Variants in SHISA9 observed in about 807,000 individuals in gnomAD.
SHISA9 encodes shisa family member 9.
A neutral mutation model predicts 38.0 loss-of-function variants in SHISA9; 13 were observed. The ratio of observed to expected loss-of-function variants is 0.34; its 90% CI spans 0.22 to 0.54. SHISA9 has a LOEUF of 0.54. SHISA9 is among the 20% of genes least tolerant of loss of function. The pLI, the probability that SHISA9 is intolerant of heterozygous loss-of-function variation, is 0.91. For missense variants in SHISA9, 538 were observed against 575.8 expected (o/e 0.93, Z 0.67); for synonymous variants, 275 against 242.0 (o/e 1.14, Z -1.27).
intron 2 of SHISA9, among the ~76,000 whole-genome samples, chr16:13,028,142 G>T (rs992661421): frequency 6.6e-6 from 1 of 152,026 alleles, no homozygotes; most frequent in Non-Finnish European, 1.5e-5. Context: ...TGGTGGTCTT[G>T]ACTGTATGTA....
chr16:13,336,220 T>G, the SHISA9 span, among the ~76,000 whole-genome samples: 2 of 152,118 alleles, frequency 1.3e-5, no homozygotes, highest in African/African-American at 4.8e-5. Context: ...AATTCAAAAG[T>G]GAAGAAATAA....
At chr16:13,019,943 CTTTCTTT>C (rs2072825935) in intron 2 of SHISA9, among the ~76,000 whole-genome samples, 1 of 93,560 alleles carries the variant, frequency 1.1e-5, no homozygotes, top group Non-Finnish European at 2.3e-5. Flanking sequence ...TTCTTTCTTT[CTTTCTTT>C]CTTTCTTTCC....
rs138322187 is a variant in SHISA9, at chr16:13,087,610, T to G, written c.692-115784T>G. On this transcript the variant is annotated intron_variant, in intron 2 of 4. Transcript: ENST00000558583. ...AGCATTTTTTCATGTGTCTGTTGGC[T>G]GCATAGACGTCTTCTTTTGGGAAGT... Among the ~76,000 whole-genome samples, 919 of 152,372 alleles carry G rather than the reference T, an allele frequency of 6.0e-3. 9 individuals are homozygous for G. The highest frequency in any genetic ancestry group is 0.021 in the African/African-American group (868 of 41,590).
At chr16:13,300,553 G>A in the SHISA9 span, among the ~76,000 whole-genome samples, 1 of 152,034 alleles carries the variant, frequency 6.6e-6, no homozygotes. Flanking sequence ...GACAGAACTG[G>A]GCGATTATTG....
the SHISA9 span, among the ~76,000 whole-genome samples, chr16:13,393,720 T>A: frequency 3.3e-5 from 5 of 152,290 alleles, no homozygotes; most frequent in African/African-American, 1.2e-4. Context: ...GGGACTCTGA[T>A]GACCATGAGT....
At chr16:13,357,717 G>A in the SHISA9 span, among the ~76,000 whole-genome samples, 3 of 152,092 alleles carry the variant, frequency 2.0e-5, no homozygotes, top group African/African-American at 7.2e-5. Flanking sequence ...ATAGGATTTG[G>A]ATAGGTAAAG....
chr16:13,219,247 T>C (rs1006780748), intron 4 of SHISA9, among the ~76,000 whole-genome samples: 2 of 152,236 alleles, frequency 1.3e-5, no homozygotes, highest in African/African-American at 2.4e-5. Context: ...AGCCAGATCC[T>C]GTTCATTCCA....
At chr16:13,337,166 T>G in the SHISA9 span, among the ~76,000 whole-genome samples, 2 of 152,150 alleles carry the variant, frequency 1.3e-5, no homozygotes, top group African/African-American at 4.8e-5. Flanking sequence ...GTTACTGATA[T>G]GGTTTCGCTG....
the SHISA9 span, among the ~76,000 whole-genome samples, chr16:13,309,851 C>T: frequency 1.3e-5 from 2 of 151,668 alleles, no homozygotes; most frequent in African/African-American, 2.4e-5. Context: ...AATCCAAGTT[C>T]TGTATTTTAT....
intron 2 of SHISA9, among the ~76,000 whole-genome samples, chr16:13,183,696 C>A (rs192044066): frequency 4.6e-5 from 7 of 152,172 alleles, no homozygotes; most frequent in African/African-American, 1.7e-4. Flanking sequence ...TCATAACTAC[C>A]TATTCTCATT....
chr16:13,275,493 GTAA>G, the SHISA9 span, among the ~76,000 whole-genome samples: 1 of 152,000 alleles, frequency 6.6e-6, no homozygotes, highest in African/African-American at 2.4e-5. Flanking sequence ...GTTCGATGTA[GTAA>G]TATTTTAAGA....
chr16:13,430,852 G>A, the SHISA9 span, among the ~76,000 whole-genome samples: 10 of 151,020 alleles, frequency 6.6e-5, no homozygotes, highest in East Asian at 1.8e-3. Flanking sequence ...CCAGGTGTTC[G>A]ATGCTACAGT....
the SHISA9 span, among the ~76,000 whole-genome samples, chr16:13,520,396 G>A: frequency 6.6e-6 from 1 of 151,700 alleles, no homozygotes; most frequent in African/African-American, 2.4e-5. Flanking sequence ...TTGAGAGATC[G>A]AGACCACCCT....
chr16:13,315,195 C>T, the SHISA9 span, among the ~76,000 whole-genome samples: 1 of 152,192 alleles, frequency 6.6e-6, no homozygotes, highest in Admixed American at 6.5e-5. Flanking sequence ...TGTAGCATAG[C>T]ACCTGCAATG....
intron 2 of SHISA9, among the ~76,000 whole-genome samples, chr16:13,118,556 G>A (rs758167522): frequency 6.6e-6 from 1 of 152,068 alleles, no homozygotes; most frequent in Non-Finnish European, 1.5e-5. Context: ...GGAGGATTGT[G>A]CTAAAATGAA....
chr16:12,961,341 A>G (rs1174101825), intron 2 of SHISA9, among the ~76,000 whole-genome samples: 1 of 152,126 alleles, frequency 6.6e-6, no homozygotes, highest in Non-Finnish European at 1.5e-5. Flanking sequence ...TGCCACGAGG[A>G]AGAGTCTGGT....
At chr16:12,924,294 G>A (rs1225945293) in intron 2 of SHISA9, among the ~76,000 whole-genome samples, 1 of 152,138 alleles carries the variant, frequency 6.6e-6, no homozygotes, top group Non-Finnish European at 1.5e-5. Context: ...ATTCATCCCT[G>A]TATTGCCAAT....
At chr16:13,041,656 A>C (rs1180939051) in intron 2 of SHISA9, among the ~76,000 whole-genome samples, 3 of 152,242 alleles carry the variant, frequency 2.0e-5, no homozygotes, top group Non-Finnish European at 4.4e-5. Context: ...CACTAATCTG[A>C]TGAGCTGCAT....
At chr16:13,117,485 G>A (rs2074041661) in intron 2 of SHISA9, among the ~76,000 whole-genome samples, 1 of 152,208 alleles carries the variant, frequency 6.6e-6, no homozygotes, top group Non-Finnish European at 1.5e-5. Context: ...ATGTAACCAA[G>A]TTAAGCATCT....
Sources: allele counts gnomAD v4.1 joint callset (sites outside exome capture counted in the v4.1 genomes callset), GRCh38; gene constraint gnomAD v4.1.1; transcripts MANE v1.5; gene names NCBI Gene and HGNC (gene_info 2026-07-23, HGNC 2026-07-21).